Variants in PTPRF observed in about 807,000 individuals in gnomAD.
The protein encoded by PTPRF is protein tyrosine phosphatase receptor type F.
Under a neutral mutation model 201.8 loss-of-function variants are expected in PTPRF, and 59 were observed. The observed-to-expected ratio is 0.29, with a 90% CI of 0.24 to 0.36. The LOEUF is 0.36. PTPRF is among the 10% of genes least tolerant of loss of function. The pLI, the probability that PTPRF is intolerant of heterozygous loss-of-function variation, is 1.00. For synonymous variants in PTPRF, 1,088 were observed against 1,089.7 expected, an observed-to-expected ratio of 1.00 and a Z score of 0.03; for missense variants, 2,132 against 2,690.5, an observed-to-expected ratio of 0.79 and a Z score of 4.59.
chr1:43,568,503 A>G (rs529745239), intron 5 of PTPRF, among the ~76,000 whole-genome samples: 1 of 152,310 alleles, frequency 6.6e-6, no homozygotes, highest in South Asian at 2.1e-4. Flanking sequence ...GCATGATCAG[A>G]TACAGACCTC....
At position 43,604,918 on chromosome 1, in the gene PTPRF, TC is replaced by T; in HGVS notation, c.3055del (p.Arg1019GlyfsTer6). 6.2e-7 allele frequency: 1 copy of T among 1,614,086 alleles called. No homozygotes were observed. The highest frequency in any genetic ancestry group is 8.5e-7 in the Non-Finnish European group (1 of 1,180,034). ...GCCTTTGCAGTGTTTGCCAAGAACT[TC>T]CGGGTGGCGGCTGCAATGAAGACGT... The part of the protein sequence containing the change: ...MPVEQVFAKN[F>X]RVAAAMKTSV... On this transcript the variant is annotated frameshift_variant, in exon 17 of 34. Coordinates refer to ENST00000359947, the MANE Select transcript of PTPRF (RefSeq NM_002840.5). LOFTEE classifies it high-confidence loss of function.
At chr1:43,598,177 A>G (rs957728905) in intron 12 of PTPRF, 124 bp downstream of exon 12, 12 of 1,080,412 alleles carry the variant, frequency 1.1e-5, no homozygotes, top group Non-Finnish European at 1.5e-5. Context: ...TTCAGGTGTA[A>G]TGGCCTAAAG....
intron 5 of PTPRF, among the ~76,000 whole-genome samples, chr1:43,564,951 T>C (rs1409652611): frequency 2.0e-5 from 3 of 152,088 alleles, no homozygotes; most frequent in African/African-American, 7.2e-5. Flanking sequence ...GTGTACTTTG[T>C]AGGGGGCCTC....
At chr1:43,585,923 GCTGT>G (rs992783297) in intron 7 of PTPRF, among the ~76,000 whole-genome samples, 3 of 152,198 alleles carry the variant, frequency 2.0e-5, no homozygotes, top group African/African-American at 7.2e-5. Context: ...CCTGGCACAG[GCTGT>G]CTAAACCCAT....
rs1416223281 is a variant in PTPRF, at chr1:43,598,017, G to C, written c.2083G>C (p.Glu695Gln). 1 of 1,518,002 alleles carries C rather than the reference G, an allele frequency of 6.6e-7. No individual in the cohort carries two copies. The highest frequency in any genetic ancestry group is 8.9e-7 in the Non-Finnish European group (1 of 1,125,710). 94.0% of individuals were successfully genotyped at this position (1,518,002 alleles called of 1,614,324 possible). A position where few individuals can be genotyped will look rare whatever the true frequency, so the allele number is the denominator to read the frequency against. ...RAHTDVGPGP[E>Q]SSPVLVRTDE... is the part of the protein sequence containing the mutation. The stretch of plus-strand genomic sequence containing the variant: ...ACACACAGACGTGGGCCCCGGCCCC[G>C]AGAGCAGCCCGGTGCTGGTGCGCAC... Residue 695 changes from glutamate to glutamine, a missense_variant, in exon 12 of 34, where the codon GAG (glutamate) becomes CAG (glutamine). Physicochemically the swap from Glu to Gln is conservative, Grantham distance 29. Around this residue, in one of 6 missense-constraint regions of PTPRF, gnomAD observed 125 missense variants for 211.9 expected, o/e 0.59. Transcript: ENST00000359947.
chr1:43,610,320 G>T (rs949163723), intron 22 of PTPRF, among the ~76,000 whole-genome samples: 1 of 152,204 alleles, frequency 6.6e-6, no homozygotes, highest in Non-Finnish European at 1.5e-5. Flanking sequence ...TACACACAGG[G>T]TTTGTGTATG....
chr1:43,523,905 A>G (rs111857141), upstream of PTPRF, among the ~76,000 whole-genome samples: 4,689 of 151,354 alleles, frequency 0.031, 115 homozygotes, highest in African/African-American at 0.067. Flanking sequence ...AAAAAAAAGG[A>G]AAAAAAAATT....
At chr1:43,590,660 ACAT>A (rs1482218876) in intron 8 of PTPRF, among the ~76,000 whole-genome samples, 1 of 152,232 alleles carries the variant, frequency 6.6e-6, no homozygotes, top group Non-Finnish European at 1.5e-5. Context: ...TGCAAGGGTC[ACAT>A]CACCTCCAGG....
rs764526398 is a variant in PTPRF, at chr1:43,606,840, G to A, written c.3729G>A (p.Ser1243=). ...AGCGCTATGCCTCCAGCCCCTACTCGGATGAGATCGTGGTCCAGGTGACAC... is the reference window on the plus strand; with the variant it reads ...AGCGCTATGCCTCCAGCCCCTACTCAGATGAGATCGTGGTCCAGGTGACAC... ...DQKRYASSPY[S]DEIVVQVTPA... The change falls in exon 21 of 34, where the codon TCG becomes TCA. Residue 1243 remains serine (S), a synonymous_variant. Coordinates refer to ENST00000359947, the MANE Select transcript of PTPRF (RefSeq NM_002840.5). The A allele has an allele frequency of 2.1e-5, 34 of 1,613,854 alleles. No individual in the cohort carries two copies. The highest frequency in any genetic ancestry group is 1.2e-4 in the Admixed American group (7 of 60,000).
At chr1:43,604,395 TC>T (rs1320942387) in intron 16 of PTPRF, among the ~76,000 whole-genome samples, 1 of 152,212 alleles carries the variant, frequency 6.6e-6, no homozygotes, top group Non-Finnish European at 1.5e-5. Flanking sequence ...CCTACTGACC[TC>T]TGCTGTATGA....
chr1:43,594,422 G>C (rs566733010), intron 11 of PTPRF, among the ~76,000 whole-genome samples: 1 of 151,652 alleles, frequency 6.6e-6, no homozygotes, highest in Non-Finnish European at 1.5e-5. Context: ...TAAGCAGCAG[G>C]CCAGTGTGGC....
upstream of PTPRF, among the ~76,000 whole-genome samples, chr1:43,529,659 A>C (rs1019389569): frequency 3.9e-5 from 6 of 152,028 alleles, no homozygotes; most frequent in Non-Finnish European, 7.4e-5. Context: ...TAGATAGGAA[A>C]GAGCTGGTGT....
At chr1:43,540,153 C>G (rs1379963868) in intron 2 of PTPRF, among the ~76,000 whole-genome samples, 2 of 152,204 alleles carry the variant, frequency 1.3e-5, no homozygotes, top group African/African-American at 2.4e-5. Flanking sequence ...AGCAGCATCC[C>G]TGGTTTCTTC....
In PTPRF at chr1:43,546,862, C is replaced by A. The variant is rs187175255; in HGVS notation, c.91+1696C>A. On this transcript the variant is annotated intron_variant, in intron 3 of 33. Coordinates refer to ENST00000359947, the MANE Select transcript of PTPRF (RefSeq NM_002840.5). The surrounding 1 kb of genome is among the most constrained non-coding windows in gnomAD (Gnocchi z 4.2). Reference sequence around the variant, plus strand: ...TGATATCCCACATCTAATCCATCACCAAGCTCCGTTGCTTCTACCTTCTGA... The same window carrying A: ...TGATATCCCACATCTAATCCATCACAAAGCTCCGTTGCTTCTACCTTCTGA... Among the ~76,000 whole-genome samples the A allele has an allele frequency of 1.1e-3, 165 of 152,312 alleles. No individual in the cohort carries two copies. The highest frequency in any genetic ancestry group is 3.8e-3 in the African/African-American group (156 of 41,572).
At chr1:43,599,939 C>T (rs767948143) in intron 13 of PTPRF, among the ~76,000 whole-genome samples, 3 of 152,196 alleles carry the variant, frequency 2.0e-5, no homozygotes, top group Non-Finnish European at 4.4e-5. Flanking sequence ...CATTGAGCCT[C>T]TCACCTCTGC....
At chr1:43,587,683 C>T (rs956443499) in intron 7 of PTPRF, among the ~76,000 whole-genome samples, 2 of 152,208 alleles carry the variant, frequency 1.3e-5, no homozygotes, top group African/African-American at 4.8e-5. Flanking sequence ...TACTGACTAG[C>T]CTGCTGCCTG....
In PTPRF at chr1:43,622,970, G is replaced by T. The variant is rs1659497815; in HGVS notation, c.*967G>T. ...GGGGAAGCAACTCCGTGTGCCTGGG[G>T]TTCCCGAGGGAGCTGCTGGCTGACC... On this transcript the variant is annotated 3_prime_UTR_variant, in exon 34 of 34. Coordinates refer to ENST00000359947, the MANE Select transcript of PTPRF (RefSeq NM_002840.5). 1.3e-5 allele frequency: 2 copies of T among 152,510 alleles called. No individual in the cohort carries two copies. The highest frequency in any genetic ancestry group is 1.3e-4 in the Admixed American group (2 of 15,278). 9.4% of individuals were successfully genotyped at this position (152,510 alleles called of 1,614,324 possible). A position where few individuals can be genotyped will look rare whatever the true frequency, so the allele number is the denominator to read the frequency against.
intron 1 of PTPRF, among the ~76,000 whole-genome samples, chr1:43,533,086 T>G (rs1232230975): frequency 6.6e-6 from 1 of 152,062 alleles, no homozygotes; most frequent in African/African-American, 2.4e-5. Flanking sequence ...TTTATAGTGT[T>G]TTTTTTAGTT....
chr1:43,584,720 G>C lies in PTPRF; in HGVS notation c.680-4011G>C, dbSNP rs1348327441. Among the ~76,000 whole-genome samples, 3 of 152,210 alleles carry C rather than the reference G, an allele frequency of 2.0e-5. No individual in the cohort carries two copies. In the East Asian group the frequency reaches 5.8e-4, roughly 29 times the overall value. On this transcript the variant is annotated intron_variant, in intron 7 of 33. Coordinates refer to ENST00000359947, the MANE Select transcript of PTPRF (RefSeq NM_002840.5). ...AGCTTTACTTAAAACTGTGTGCCGG[G>C]TTTGCCGGCATTTAATTACTGCTCT...
Sources: allele counts gnomAD v4.1 joint callset (sites outside exome capture counted in the v4.1 genomes callset), GRCh38; gene constraint gnomAD v4.1.1; regional missense constraint gnomAD v4.1.1; non-coding constraint Gnocchi (gnomAD v3.1); transcripts MANE v1.5; gene names NCBI Gene and HGNC (gene_info 2026-07-23, HGNC 2026-07-21).